The following RBM44 variants were observed in gnomAD, a reference collection of about 807,000 sequenced individuals.
RBM44 encodes the protein RNA-binding protein 44.
In RBM44, 66 loss-of-function variants were observed where a neutral mutation model predicts 105.1. The observed-to-expected ratio is 0.63, with a 90% CI of 0.52 to 0.77. The LOEUF (loss-of-function observed/expected upper bound fraction) is 0.77, where lower values mean the gene tolerates loss of function less well. Ranked by LOEUF, RBM44 falls within the 30% of genes least tolerant of loss-of-function variation. RBM44 has a pLI of 0.00. For missense variants in RBM44, 1,122 were observed against 1,207.8 expected (o/e 0.93, Z 1.05); for synonymous variants, 365 against 417.6 (o/e 0.87, Z 1.54).
rs778989827 is a variant in RBM44 at position 237,827,341 on chromosome 2, T to C, written c.2529+12T>C. On this transcript the variant is annotated intron_variant, in intron 11 of 15. Coordinates refer to ENST00000316997, the MANE Select transcript of RBM44 (RefSeq NM_001080504.3). Reference sequence around the variant, plus strand: ...CTTCAGTATCTGAGGTATACCAGGATTATTTTTTTGAGCTTCATTTTCAAA... The same window carrying C: ...CTTCAGTATCTGAGGTATACCAGGACTATTTTTTTGAGCTTCATTTTCAAA... 6.5e-7 allele frequency: 1 copy of C among 1,536,510 alleles called. No homozygotes were observed.
At chr2:237,804,341 G>A (rs145626176) in intron 1 of RBM44, among the ~76,000 whole-genome samples, 23 of 152,212 alleles carry the variant, frequency 1.5e-4, no homozygotes, top group African/African-American at 3.6e-4. Flanking sequence ...GGGTCAAATG[G>A]TAGCTCTGTT....
intron 10 of RBM44, among the ~76,000 whole-genome samples, chr2:237,825,603 A>G (rs899704597): frequency 6.6e-6 from 1 of 152,128 alleles, no homozygotes; most frequent in Admixed American, 6.5e-5. Context: ...TGATATATTG[A>G]CTGCCTTCCC....
chr2:237,813,456 T>C (rs779013242), intron 1 of RBM44, 136 bp from the exon 2 acceptor site: 5 of 502,052 alleles, frequency 1.0e-5, no homozygotes, highest in Non-Finnish European at 1.8e-5. Context: ...TAAACTTCTT[T>C]TAGTGACCTA....
At chr2:237,833,673 C>A (rs1404504981) in intron 13 of RBM44, among the ~76,000 whole-genome samples, 2 of 152,130 alleles carry the variant, frequency 1.3e-5, no homozygotes, top group African/African-American at 4.8e-5. Flanking sequence ...TATGTCCTAT[C>A]TTTGAGAGAA....
Position 237,818,063 on chromosome 2 carries a change from A to T in RBM44, c.1144A>T (p.Thr382Ser), listed in dbSNP as rs563745647. 20 of 1,612,918 alleles carry T rather than the reference A, an allele frequency of 1.2e-5. 1 individual carries two copies. The South Asian group carries it at 2.2e-4, about 18-fold the overall frequency. The stretch of plus-strand genomic sequence containing the variant: ...CTGTAAAGATTGTCAAACTTCCTGG[A>T]CCTCTGTTTTTGATGATTCGATAAT... Reference protein sequence around the residue: ...QPCKDCQTSWTSVFDDSIISA... With the variant: ...QPCKDCQTSWSSVFDDSIISA... The change falls in exon 3 of 16, where the codon ACC becomes TCC. Residue 382 changes from threonine to serine, a missense_variant. By Grantham distance (58) the Thr-to-Ser change is moderately conservative. Coordinates refer to ENST00000316997, the MANE Select transcript of RBM44 (RefSeq NM_001080504.3). This position sits in a 1 kb window ranked among gnomAD's most constrained non-coding sequence, Gnocchi z 4.6.
At chr2:237,830,720 GT>G (rs2061894677) in intron 13 of RBM44, among the ~76,000 whole-genome samples, 2 of 152,098 alleles carry the variant, frequency 1.3e-5, no homozygotes, top group Non-Finnish European at 2.9e-5. Context: ...GACCATGTTT[GT>G]GTGAGTCTAT....
intron 1 of RBM44, among the ~76,000 whole-genome samples, chr2:237,802,317 A>T (rs1006785762): frequency 2.0e-5 from 3 of 152,188 alleles, no homozygotes; most frequent in African/African-American, 7.2e-5. Flanking sequence ...TTAGATTCTC[A>T]TAGGAACTCA....
At chr2:237,829,021 C>G (rs2061877122) in intron 12 of RBM44, among the ~76,000 whole-genome samples, 196 bp from the exon 13 acceptor site, 1 of 152,058 alleles carries the variant, frequency 6.6e-6, no homozygotes. Context: ...TCTTCTATTT[C>G]CCATCTTTAA....
rs1208471888 is a variant in RBM44, at chr2:237,831,243, T to G, written c.2886+1741T>G. On this transcript the variant is annotated intron_variant, in intron 13 of 15. Coordinates refer to ENST00000316997, the MANE Select transcript of RBM44 (RefSeq NM_001080504.3). ...TACCATCCTTATTTGTCCTTTTTTT[T>G]GGGGGGGGGGGGGTTTGTCTTTGTT... 3.8e-3 allele frequency among the ~76,000 whole-genome samples: 411 copies of G among 107,680 alleles called. 5 individuals carry two copies. Among genetic ancestry groups the G allele is most frequent in the Non-Finnish European group, 5.6e-3 (296 of 52,524 alleles). The allele number at this position is 107,680 out of a possible 152,430, so 70.6% of individuals were successfully genotyped here.
Position 237,842,522 on chromosome 2 carries a change from A to G in RBM44, c.*706A>G, listed in dbSNP as rs1427616913. 6.6e-6 allele frequency: 1 copy of G among 152,052 alleles called. No homozygotes were observed. Among genetic ancestry groups the G allele is most frequent in the African/African-American group, 2.4e-5 (1 of 41,430 alleles). 9.4% of individuals were successfully genotyped at this position (152,052 alleles called of 1,614,324 possible). On this transcript the variant is annotated 3_prime_UTR_variant, in exon 16 of 16. Transcript: ENST00000316997. ...CTATAGTGCTTGCATTCATTTTGTG[A>G]AAAGTTTTGTTGTATTGTTAGAACA...
At chr2:237,821,551 A>G (rs1266303002) in intron 7 of RBM44, among the ~76,000 whole-genome samples, 183 bp downstream of exon 7, 2 of 152,058 alleles carry the variant, frequency 1.3e-5, no homozygotes, top group Non-Finnish European at 2.9e-5. Context: ...TATTTTTTGC[A>G]TGCATAGGAT....
Position 237,818,776 on chromosome 2 carries a change from C to A in RBM44, c.1678-125C>A. 1 of 632,308 alleles carries A rather than the reference C, an allele frequency of 1.6e-6. No individual in the cohort carries two copies. The highest frequency in any genetic ancestry group is 2.6e-6 in the Non-Finnish European group (1 of 380,366). 39.2% of individuals were successfully genotyped at this position (632,308 alleles called of 1,614,324 possible). On this transcript the variant is annotated intron_variant, in intron 3 of 15. Transcript: ENST00000316997. The surrounding 1 kb of genome is among the most constrained non-coding windows in gnomAD (Gnocchi z 4.6). ...AAAAAAAAAGACGTGTAAATTACCA[C>A]CAGTTCTATCCTCCTCTCCTGGCAG... is the stretch of plus-strand genomic sequence containing the variant.
chr2:237,842,414 A>T lies in RBM44; in HGVS notation c.*598A>T, dbSNP rs528589506. Reference sequence around the variant, plus strand: ...TTCATGCATTTTTTATGACTTCAGTATAAAACATTCAGGTGTGTTAGCCTT... The same window carrying T: ...TTCATGCATTTTTTATGACTTCAGTTTAAAACATTCAGGTGTGTTAGCCTT... On this transcript the variant is annotated 3_prime_UTR_variant, in exon 16 of 16. Transcript: ENST00000316997. 4.6e-5 allele frequency: 7 copies of T among 152,262 alleles called. No homozygotes were observed. The highest frequency in any genetic ancestry group is 4.6e-4 in the Admixed American group (7 of 15,292). 9.4% of individuals were successfully genotyped at this position (152,262 alleles called of 1,614,324 possible).
In RBM44 at chr2:237,798,846, T is replaced by G. The variant is rs1355436715; in HGVS notation, c.-34T>G. 1 of 153,552 alleles carries G rather than the reference T, an allele frequency of 6.5e-6. No individual in the cohort carries two copies. The highest frequency in any genetic ancestry group is 1.4e-5 in the Non-Finnish European group (1 of 69,136). 9.5% of individuals were successfully genotyped at this position (153,552 alleles called of 1,614,324 possible). A position where few individuals can be genotyped will look rare whatever the true frequency, so the allele number is the denominator to read the frequency against. On this transcript the variant is annotated 5_prime_UTR_variant, in exon 1 of 16. Coordinates refer to ENST00000316997, the MANE Select transcript of RBM44 (RefSeq NM_001080504.3). This position sits in a 1 kb window ranked among gnomAD's most constrained non-coding sequence, Gnocchi z 4.3. ...CGTGGAGGCGGCAGCGGCGGCGGCT[T>G]TCTAGCGGATCCGAGGTGCGACGGA...
intron 10 of RBM44, among the ~76,000 whole-genome samples, chr2:237,825,971 C>T (rs899239916): frequency 6.6e-6 from 1 of 152,100 alleles, no homozygotes; most frequent in Non-Finnish European, 1.5e-5. Flanking sequence ...AGCACCACTA[C>T]TTACTCTATT....
At chr2:237,814,239 A>C (rs1381591018) in intron 2 of RBM44, among the ~76,000 whole-genome samples, 6 of 152,320 alleles carry the variant, frequency 3.9e-5, no homozygotes, top group African/African-American at 1.4e-4. Flanking sequence ...AAAAGGATGG[A>C]CAAGTTAAAC....
intron 4 of RBM44, 49 bp from the exon 5 acceptor site, chr2:237,820,126 A>T: frequency 9.3e-7 from 1 of 1,077,448 alleles, no homozygotes; most frequent in Non-Finnish European, 1.3e-6. Flanking sequence ...TGTTATTACT[A>T]TAGAAAAATG....
In RBM44 at chr2:237,829,995, T is replaced by A. The variant is rs11896093; in HGVS notation, c.2886+493T>A. Among the ~76,000 whole-genome samples, 452 of 151,182 alleles carry A rather than the reference T, an allele frequency of 3.0e-3. 2 individuals are homozygous for A. The highest frequency in any genetic ancestry group is 0.014 in the Middle Eastern group (4 of 292). ...AGTCCCATAGGCATTCCACAGATTTTAAAAAAAAAATTACGCACAGTAAAA... is the reference window on the plus strand; with the variant it reads ...AGTCCCATAGGCATTCCACAGATTTAAAAAAAAAAATTACGCACAGTAAAA... On this transcript the variant is annotated intron_variant, in intron 13 of 15. Transcript: ENST00000316997.
chr2:237,833,531 C>G (rs1006501918), intron 13 of RBM44, among the ~76,000 whole-genome samples: 7 of 152,174 alleles, frequency 4.6e-5, no homozygotes, highest in African/African-American at 1.7e-4. Flanking sequence ...ATAGTAAATA[C>G]AATGTAAAAT....
Sources: allele counts gnomAD v4.1 joint callset (sites outside exome capture counted in the v4.1 genomes callset), GRCh38; gene constraint gnomAD v4.1.1; non-coding constraint Gnocchi (gnomAD v3.1); transcripts MANE v1.5; gene names NCBI Gene and HGNC (gene_info 2026-07-23, HGNC 2026-07-21).